MB21D2: variants seen among roughly 807,000 people sequenced by gnomAD.
The protein encoded by MB21D2 is Mab-21 domain containing 2.
MB21D2 carries 9 observed loss-of-function variants against 33.3 expected under a neutral mutation model. The observed-to-expected ratio is 0.27, with a 90% CI of 0.16 to 0.47. The LOEUF (loss-of-function observed/expected upper bound fraction) is 0.47. Among genes scored for constraint, MB21D2 ranks in the 20% least tolerant of loss-of-function variants. The pLI is 0.99. For synonymous variants in MB21D2, 241 were observed against 236.3 expected (o/e 1.02, Z -0.18); for missense variants, 540 against 624.6 (o/e 0.86, Z 1.44).
chr3:192,806,200 C>T (rs950988910), intron 1 of MB21D2, among the ~76,000 whole-genome samples: 28 of 152,198 alleles, frequency 1.8e-4, no homozygotes, highest in African/African-American at 6.3e-4. Context: ...ACTAAATTAG[C>T]ACTTTCGACA....
At chr3:192,835,298 A>C (rs2108622696) in intron 1 of MB21D2, among the ~76,000 whole-genome samples, 1 of 151,392 alleles carries the variant, frequency 6.6e-6, no homozygotes, top group South Asian at 2.1e-4. Context: ...ACAAAAAAAT[A>C]CAAAAAAATT....
At chr3:192,870,800 C>T (rs531371026) in intron 1 of MB21D2, among the ~76,000 whole-genome samples, 1 of 149,458 alleles carries the variant, frequency 6.7e-6, no homozygotes, top group African/African-American at 2.5e-5. Flanking sequence ...AATGCAAAAC[C>T]GATGTAGAAA....
In MB21D2 at chr3:192,870,655, G is replaced by A. The variant is rs555246396; in HGVS notation, c.211+46975C>T. Among the ~76,000 whole-genome samples, 522 of 131,540 alleles carry A rather than the reference G, an allele frequency of 4.0e-3. 4 individuals are homozygous for A. The highest frequency in any genetic ancestry group is 6.2e-3 in the Non-Finnish European group (397 of 64,278). 86.3% of individuals were successfully genotyped at this position (131,540 alleles called of 152,430 possible). A position where few individuals can be genotyped will look rare whatever the true frequency, so the allele number is the denominator to read the frequency against. On this transcript the variant is annotated intron_variant, in intron 1 of 1. Transcript: ENST00000392452. The stretch of plus-strand genomic sequence containing the variant: ...GAACCTGGGAGGTGGAGGCTGTAGT[G>A]AGCTGAGATTGCACCACTGCACTCC...
At chr3:192,883,597 G>GA (rs1713656502) in intron 1 of MB21D2, among the ~76,000 whole-genome samples, 1 of 152,078 alleles carries the variant, frequency 6.6e-6, no homozygotes, top group South Asian at 2.1e-4. Flanking sequence ...TGGGGAAAAG[G>GA]AAACGATCCA....
At chr3:192,912,561 T>G (rs1455779761) in intron 1 of MB21D2, among the ~76,000 whole-genome samples, 6 of 151,736 alleles carry the variant, frequency 4.0e-5, no homozygotes, top group African/African-American at 1.5e-4. Context: ...TAATCCCAGC[T>G]ACTCGGGAGG....
intron 1 of MB21D2, among the ~76,000 whole-genome samples, chr3:192,887,755 A>AT (rs1253154109): frequency 6.6e-6 from 1 of 152,068 alleles, no homozygotes; most frequent in African/African-American, 2.4e-5. Flanking sequence ...AAAGCATCCT[A>AT]TTTTTTGAAC....
intron 1 of MB21D2, among the ~76,000 whole-genome samples, chr3:192,849,316 T>TGGGGGGGGGGGGGGGGG (rs66792694): frequency 1.1e-5 from 1 of 92,168 alleles, no homozygotes; most frequent in Non-Finnish European, 2.1e-5. Context: ...TCTCTTTTTT[T>TGGGGGGGGGGGGGGGGG]GGGGGGGGGG....
chr3:192,799,219 T>C lies in MB21D2; in HGVS notation c.643A>G (p.Lys215Glu), dbSNP rs746446056. The change falls in exon 2 of 2, where the codon AAA becomes GAA. Residue 215 changes from lysine (K) to glutamate (E), a missense_variant. Transcript: ENST00000392452. This position sits in a 1 kb window ranked among gnomAD's most constrained non-coding sequence, Gnocchi z 4.1. ...RGMPKVEKVE[K>E]NGTIISIILG... ...ATGATGGAGATGATGGTCCCATTTTTTTCCACCTTTTCTACCTTTGGCATC... is the reference window on the plus strand; with the variant it reads ...ATGATGGAGATGATGGTCCCATTTTCTTCCACCTTTTCTACCTTTGGCATC... 1.6e-5 allele frequency: 26 copies of C among 1,614,116 alleles called. No individual in the cohort carries two copies. In the East Asian group the frequency reaches 5.1e-4, roughly 32 times the overall value.
chr3:192,859,882 T>C (rs1474236597), intron 1 of MB21D2, among the ~76,000 whole-genome samples: 1 of 151,994 alleles, frequency 6.6e-6, no homozygotes, highest in Non-Finnish European at 1.5e-5. Flanking sequence ...GGAGAAAGTG[T>C]GGGGGAAGTG....
At chr3:192,904,903 G>A (rs1225110347) in intron 1 of MB21D2, among the ~76,000 whole-genome samples, 1 of 152,234 alleles carries the variant, frequency 6.6e-6, no homozygotes, top group Non-Finnish European at 1.5e-5. Context: ...GGGCTCCGCA[G>A]CTCTGACCTA....
chr3:192,912,510 T>TA (rs1341931363), intron 1 of MB21D2, among the ~76,000 whole-genome samples: 1 of 151,836 alleles, frequency 6.6e-6, no homozygotes, highest in Non-Finnish European at 1.5e-5. Flanking sequence ...CCATCTCTAC[T>TA]AAAAATACAA....
intron 1 of MB21D2, among the ~76,000 whole-genome samples, chr3:192,840,606 G>GAAT (rs1712549708): frequency 6.6e-6 from 1 of 151,936 alleles, no homozygotes; most frequent in Non-Finnish European, 1.5e-5. Flanking sequence ...CGCTATGGTA[G>GAAT]AAAGTTTCTC....
At chr3:192,814,666 T>C (rs112054747) in intron 1 of MB21D2, among the ~76,000 whole-genome samples, 3 of 151,786 alleles carry the variant, frequency 2.0e-5, no homozygotes, top group Non-Finnish European at 4.4e-5. Context: ...ATCGAGACCA[T>C]CCTGGCTAAC....
chr3:192,865,700 CA>C (rs1713152877), intron 1 of MB21D2, among the ~76,000 whole-genome samples: 1 of 152,076 alleles, frequency 6.6e-6, no homozygotes, highest in East Asian at 1.9e-4. Flanking sequence ...CAATCTTCCC[CA>C]ACCCCCACCC....
intron 1 of MB21D2, among the ~76,000 whole-genome samples, chr3:192,878,103 G>GTTTTTTTTTTTTTTTTTTTTTTTTTT (rs1296544101): frequency 2.2e-5 from 3 of 134,222 alleles, no homozygotes; most frequent in Admixed American, 7.9e-5. Flanking sequence ...TTTTTTTTTG[G>GTTTTTTTTTTTTTTTTTTTTTTTTTT]TTTTTTTTGT....
At chr3:192,914,020 AT>A (rs1714410627) in intron 1 of MB21D2, among the ~76,000 whole-genome samples, 2 of 152,196 alleles carry the variant, frequency 1.3e-5, no homozygotes, top group Non-Finnish European at 2.9e-5. Context: ...GCTAAAACTT[AT>A]AGCTAAAATC....
chr3:192,801,548 A>C (rs1263027405), intron 1 of MB21D2, among the ~76,000 whole-genome samples: 1 of 152,176 alleles, frequency 6.6e-6, no homozygotes, highest in Non-Finnish European at 1.5e-5. Context: ...GTGAGAGTGG[A>C]ACCCTCATGA....
At chr3:192,877,393 T>A (rs925166175) in intron 1 of MB21D2, among the ~76,000 whole-genome samples, 22 of 152,142 alleles carry the variant, frequency 1.4e-4, no homozygotes, top group Admixed American at 6.5e-4. Flanking sequence ...AATCTGACAA[T>A]CATTTTGAGT....
intron 1 of MB21D2, among the ~76,000 whole-genome samples, chr3:192,874,525 C>A (rs1713387024): frequency 6.6e-6 from 1 of 152,204 alleles, no homozygotes; most frequent in Non-Finnish European, 1.5e-5. Context: ...CCTATCCCCA[C>A]CACTTACTTT....
Sources: allele counts gnomAD v4.1 joint callset (sites outside exome capture counted in the v4.1 genomes callset), GRCh38; gene constraint gnomAD v4.1.1; non-coding constraint Gnocchi (gnomAD v3.1); transcripts MANE v1.5; gene names NCBI Gene and HGNC (gene_info 2026-07-23, HGNC 2026-07-21).